PIK3IP1: variants seen among roughly 807,000 people sequenced by gnomAD.
PIK3IP1 encodes the protein phosphoinositide-3-kinase interacting protein 1, also known as phosphoinositide-3-kinase-interacting protein 1.
In PIK3IP1, 28 loss-of-function variants were observed where a neutral mutation model predicts 30.7. The observed-to-expected ratio is 0.91, with a 90% confidence interval of 0.68 to 1.25. The LOEUF (loss-of-function observed/expected upper bound fraction) is 1.25. Among genes scored for constraint, PIK3IP1 ranks in the 50% most tolerant of loss-of-function variants. The pLI is 0.00. For missense variants in PIK3IP1, 333 were observed against 346.2 expected (o/e 0.96, Z 0.30); for synonymous variants, 159 against 140.8 (o/e 1.13, Z -0.91).
rs756332689 is a variant in PIK3IP1 at position 31,289,314 on chromosome 22, C to T, written c.587+1G>A. 4 of 1,614,016 alleles carry T rather than the reference C, an allele frequency of 2.5e-6. No individual in the cohort carries two copies. In the South Asian group the frequency reaches 4.4e-5, roughly 18 times the overall value. ...GAGGGCCCAGAAGAGAAGCTACTGA[C>T]CTCTTGTAGGAGTAGCCCAAGATGA... On this transcript the variant is annotated splice_donor_variant, in intron 5 of 5. Transcript: ENST00000215912. LOFTEE classifies it high-confidence loss of function.
chr22:31,290,332 T>C (rs1010393864), intron 3 of PIK3IP1: 1 of 152,310 alleles, frequency 6.6e-6, no homozygotes, highest in African/African-American at 2.4e-5. Context: ...GAAGTTGCAG[T>C]GAGCCGAAAT....
chr22:31,284,858 C>T (rs533330906), intron 5 of PIK3IP1, among the ~76,000 whole-genome samples: 33 of 152,236 alleles, frequency 2.2e-4, no homozygotes, highest in Middle Eastern at 3.4e-3. Context: ...GGCTGAGCTC[C>T]CACCCACCCC....
intron 5 of PIK3IP1, 58 bp from the exon 6 acceptor site, chr22:31,283,346 TTAGA>T: frequency 6.4e-7 from 1 of 1,566,764 alleles, no homozygotes; most frequent in Non-Finnish European, 8.7e-7. Context: ...GCTTTGCTCA[TTAGA>T]TAGCATCCCT....
intron 5 of PIK3IP1, among the ~76,000 whole-genome samples, chr22:31,285,495 A>G (rs2049124243): frequency 6.6e-6 from 1 of 152,200 alleles, no homozygotes; most frequent in African/African-American, 2.4e-5. Flanking sequence ...AGCACCGGCA[A>G]TATTGTCTTT....
intron 5 of PIK3IP1, chr22:31,289,064 GTC>G (rs2049152542): frequency 1.7e-6 from 1 of 586,112 alleles, no homozygotes; most frequent in East Asian, 2.8e-5. Flanking sequence ...CTTTGAGCAA[GTC>G]TCTGACAGAG....
At chr22:31,289,202 T>C (rs2049153736) in intron 5 of PIK3IP1, 113 bp downstream of exon 5, 2 of 1,046,534 alleles carry the variant, frequency 1.9e-6, no homozygotes, top group East Asian at 5.0e-5. Flanking sequence ...AGTCTCTACA[T>C]CTTGAGCTGA....
chr22:31,290,182 A>C (rs1331477221), intron 3 of PIK3IP1: 1 of 153,424 alleles, frequency 6.5e-6, no homozygotes, highest in African/African-American at 2.4e-5. Context: ...TGAGGTCAGG[A>C]GTTAGAGAGC....
chr22:31,282,771 C>T lies in PIK3IP1; in HGVS notation c.*313G>A. On this transcript the variant is annotated 3_prime_UTR_variant, in exon 6 of 6. Transcript: ENST00000215912. ...AGCCTGGGGGAGCTCCCCGTCTATC[C>T]CTGGTTCAGTTCCAGGGGTGCAGGC... 3.0e-6 allele frequency: 1 copy of T among 335,088 alleles called. No homozygotes were observed. Among genetic ancestry groups the T allele is most frequent in the Non-Finnish European group, 5.6e-6 (1 of 177,432 alleles). 20.8% of individuals were successfully genotyped at this position (335,088 alleles called of 1,614,324 possible).
At chr22:31,288,891 C>T (rs926644739) in intron 5 of PIK3IP1, 3 of 293,066 alleles carry the variant, frequency 1.0e-5, no homozygotes, top group Non-Finnish European at 1.9e-5. Context: ...AATTTTATAA[C>T]TCACAGAAAG....
At chr22:31,290,050 G>A (rs1431609068) in intron 3 of PIK3IP1, 8 of 240,036 alleles carry the variant, frequency 3.3e-5, no homozygotes, top group Non-Finnish European at 6.7e-5. Flanking sequence ...CTTCCTTTGA[G>A]CAGCTCACAT....
chr22:31,283,092 C>G lies in PIK3IP1; in HGVS notation c.784G>C (p.Gly262Arg). ...CTGCCCACTGGGGGGGCTCAGGCCC[C>G]AGGAGTCCCGGCCTGGCCCATAAGG... ...TPLMGQAGTP[G>R]A The change falls in exon 6 of 6, where the codon GGG becomes CGG. Residue 262 changes from glycine to arginine, a missense_variant. Physicochemically the swap from Gly to Arg is moderately radical, Grantham distance 125 (BLOSUM62 -2). Coordinates refer to ENST00000215912, the MANE Select transcript of PIK3IP1 (RefSeq NM_052880.5). 3 of 1,596,386 alleles carry G rather than the reference C, an allele frequency of 1.9e-6. No homozygotes were observed. Among genetic ancestry groups the G allele is most frequent in the Non-Finnish European group, 2.6e-6 (3 of 1,171,500 alleles).
rs2049092765 is a variant in PIK3IP1 at position 31,281,949 on chromosome 22, C to T, written c.*1135G>A. The T allele has an allele frequency of 1.3e-5, 2 of 152,468 alleles. No individual in the cohort carries two copies. Among genetic ancestry groups the T allele is most frequent in the African/African-American group, 2.4e-5 (1 of 41,480 alleles). 9.4% of individuals were successfully genotyped at this position (152,468 alleles called of 1,614,324 possible). On this transcript the variant is annotated 3_prime_UTR_variant, in exon 6 of 6. Transcript: ENST00000215912. The stretch of plus-strand genomic sequence containing the variant: ...CAGTGCAGTGGAGAAATGTTGCGCT[C>T]CGTCAGGAAGCTGGGCTCTTGCCAT...
Position 31,291,316 on chromosome 22 carries a change from C to T in PIK3IP1, c.71-20G>A. ...AACAGCCTGTGAGGAAAAGAAGCCC[C>T]CGGACACAGAATAGCGGGCAGCGAA... is the stretch of plus-strand genomic sequence containing the variant. On this transcript the variant is annotated intron_variant, in intron 1 of 5. Coordinates refer to ENST00000215912, the MANE Select transcript of PIK3IP1 (RefSeq NM_052880.5). 3 of 1,553,406 alleles carry T rather than the reference C, an allele frequency of 1.9e-6. No individual in the cohort carries two copies. Among genetic ancestry groups the T allele is most frequent in the Non-Finnish European group, 2.6e-6 (3 of 1,148,262 alleles).
intron 5 of PIK3IP1, among the ~76,000 whole-genome samples, chr22:31,283,831 C>A (rs1046986084): frequency 4.9e-4 from 74 of 152,232 alleles, no homozygotes; most frequent in African/African-American, 1.7e-3. Context: ...AGAAAACTGA[C>A]CTGATCATCC....
rs2123894871 is a variant in PIK3IP1 at position 31,292,283 on chromosome 22, C to T, written c.62G>A (p.Gly21Glu). The part of the protein sequence containing the change: ...VSNMLLAEAY[G>E]SGGCFWDNGH... Reference sequence around the variant, plus strand: ...AAAGATTGTAATCTCACCTCCAGATCCATAGGCTTCTGCTAGGAGCATGTT... The same window carrying T: ...AAAGATTGTAATCTCACCTCCAGATTCATAGGCTTCTGCTAGGAGCATGTT... Residue 21 changes from glycine (G) to glutamate (E), a missense_variant, in exon 1 of 6, where the codon GGA becomes GAA. Physicochemically the swap from Gly to Glu is moderately conservative, Grantham distance 98 (BLOSUM62 -2). Coordinates refer to ENST00000215912, the MANE Select transcript of PIK3IP1 (RefSeq NM_052880.5). 2 of 1,614,112 alleles carry T rather than the reference C, an allele frequency of 1.2e-6. No homozygotes were observed. Among genetic ancestry groups the T allele is most frequent in the Non-Finnish European group, 1.7e-6 (2 of 1,179,990 alleles).
chr22:31,285,998 C>G (rs1476424714), intron 5 of PIK3IP1, among the ~76,000 whole-genome samples: 2 of 152,080 alleles, frequency 1.3e-5, no homozygotes, highest in Non-Finnish European at 2.9e-5. Flanking sequence ...CATGGTGAAA[C>G]CCCGTCTCTA....
rs778282054 is a variant in PIK3IP1 at position 31,292,349 on chromosome 22, G to GC, written c.-6dup. ...TTGTACCCAGGCCAACAGCATCCTTGCCTCCTTCGTCTTGCAGGTGATTGA... is the reference window on the plus strand; with the variant it reads ...TTGTACCCAGGCCAACAGCATCCTTGCCCTCCTTCGTCTTGCAGGTGATTGA... On this transcript the variant is annotated 5_prime_UTR_variant, in exon 1 of 6. Coordinates refer to ENST00000215912, the MANE Select transcript of PIK3IP1 (RefSeq NM_052880.5). The GC allele has an allele frequency of 6.2e-7, 1 of 1,614,024 alleles. No individual in the cohort carries two copies. Among genetic ancestry groups the GC allele is most frequent in the Non-Finnish European group, 8.5e-7 (1 of 1,179,910 alleles).
intron 5 of PIK3IP1, among the ~76,000 whole-genome samples, chr22:31,284,207 T>C (rs781047427): frequency 5.9e-5 from 9 of 152,220 alleles, no homozygotes; most frequent in Non-Finnish European, 1.2e-4. Context: ...CCCAGCCTAA[T>C]CCCTGTTTTA....
intron 5 of PIK3IP1, chr22:31,288,930 T>G (rs908611962): frequency 2.5e-6 from 1 of 403,728 alleles, no homozygotes; most frequent in Non-Finnish European, 4.4e-6. Flanking sequence ...CTGCAATCAG[T>G]GTCAAGCCTG....
Sources: gnomAD v4.1 joint callset for allele counts (sites outside exome capture counted in the v4.1 genomes callset) on GRCh38, gnomAD v4.1.1 for gene constraint, MANE v1.5 for transcripts, NCBI Gene and HGNC (gene_info 2026-07-23, HGNC 2026-07-21) for gene names.